Variants in RBFOX1 observed in about 807,000 individuals in gnomAD.
RBFOX1 encodes RNA binding fox-1 homolog 1.
Under a neutral mutation model 57.7 loss-of-function variants are expected in RBFOX1, and 8 were observed. That is an observed-to-expected ratio of 0.14 (90% CI 0.08 to 0.25). The LOEUF is 0.25. Among genes scored for constraint, RBFOX1 ranks in the 10% least tolerant of loss-of-function variants. The pLI is 1.00. For synonymous variants in RBFOX1, 326 were observed against 222.4 expected (o/e 1.47, Z -4.15); for missense variants, 611 against 548.5 (o/e 1.11, Z -1.14).
chr16:7,312,396 A>C (rs1022168331), intron 4 of RBFOX1, among the ~76,000 whole-genome samples: 13 of 152,248 alleles, frequency 8.5e-5, no homozygotes, highest in Non-Finnish European at 1.5e-4. Context: ...CAGCAACAAC[A>C]ACAATGAAAC....
chr16:5,685,386 C>T (rs1350160553), intron 3 of RBFOX1, among the ~76,000 whole-genome samples: 1 of 152,156 alleles, frequency 6.6e-6, no homozygotes, highest in Admixed American at 6.5e-5. Flanking sequence ...GATTCATCTT[C>T]CAAACAACAT....
chr16:7,132,494 T>C (rs968430242), intron 4 of RBFOX1, among the ~76,000 whole-genome samples: 1 of 147,644 alleles, frequency 6.8e-6, no homozygotes, highest in Non-Finnish European at 1.5e-5. Flanking sequence ...TCACTTTATC[T>C]TGAATAACAT....
At chr16:7,397,889 A>T (rs180861528) in intron 4 of RBFOX1, among the ~76,000 whole-genome samples, 81 of 152,180 alleles carry the variant, frequency 5.3e-4, no homozygotes, top group African/African-American at 1.9e-3. Flanking sequence ...TCATCTGTAA[A>T]ACAGATGAAA....
chr16:6,595,252 C>G (rs1410230972), intron 2 of RBFOX1, among the ~76,000 whole-genome samples: 1 of 152,198 alleles, frequency 6.6e-6, no homozygotes, highest in Non-Finnish European at 1.5e-5. Context: ...AGCCAGCATT[C>G]TGCTCTATCT....
At chr16:7,164,307 AT>A in intron 4 of RBFOX1, among the ~76,000 whole-genome samples, 3 of 152,164 alleles carry the variant, frequency 2.0e-5, no homozygotes, top group African/African-American at 7.2e-5. Context: ...GTTCCTTTTT[AT>A]GGCTGAATAG....
At chr16:6,286,790 G>T (rs1311794631) in intron 1 of RBFOX1, among the ~76,000 whole-genome samples, 1 of 152,158 alleles carries the variant, frequency 6.6e-6, no homozygotes, top group Non-Finnish European at 1.5e-5. Context: ...ATACAAGGAA[G>T]ACTAGACTTG....
chr16:7,554,499 TAA>T (rs1424001337), intron 5 of RBFOX1, among the ~76,000 whole-genome samples: 5 of 152,088 alleles, frequency 3.3e-5, no homozygotes, highest in African/African-American at 1.2e-4. Flanking sequence ...TCGTGTAGAC[TAA>T]GTGTTAGTTG....
At chr16:5,255,363 T>TCCATCCATCCAC (rs2062564829) in intron 1 of RBFOX1, among the ~76,000 whole-genome samples, 1 of 122,878 alleles carries the variant, frequency 8.1e-6, no homozygotes, top group Non-Finnish European at 1.9e-5. Flanking sequence ...CCTCCATCCA[T>TCCATCCATCCAC]CCATCCATCC....
intron 4 of RBFOX1, among the ~76,000 whole-genome samples, chr16:7,326,842 A>T (rs1465570882): frequency 6.6e-6 from 1 of 152,184 alleles, no homozygotes; most frequent in Admixed American, 6.5e-5. Context: ...TTGGAAACAT[A>T]GGTAGCTCTC....
At chr16:7,139,176 C>CTCTCTCTCTCTGTGTGTG (rs372381673) in intron 4 of RBFOX1, among the ~76,000 whole-genome samples, 20,338 of 145,770 alleles carry the variant, frequency 0.14, 1,812 homozygotes, top group Non-Finnish European at 0.19. Flanking sequence ...CAATCTCTCT[C>CTCTCTCTCTCTGTGTGTG]TGTGTGTGTG....
intron 1 of RBFOX1, among the ~76,000 whole-genome samples, chr16:6,058,968 A>C (rs2095651233): frequency 1.3e-5 from 2 of 152,218 alleles, no homozygotes; most frequent in Non-Finnish European, 2.9e-5. Context: ...TGGAACAACT[A>C]ACTCAGACTC....
rs549462400 is a variant in RBFOX1 at position 6,805,873 on chromosome 16, A to G, written c.-16+151223A>G. ...CTTACAGTCACACTTGGCTCTTTCC[A>G]ACACGAATCACTAGCCTTTACTTTC... On this transcript the variant is annotated intron_variant, in intron 3 of 15. Transcript: ENST00000550418. Among the ~76,000 whole-genome samples the G allele has an allele frequency of 2.6e-5, 4 of 152,266 alleles. No individual in the cohort carries two copies. The South Asian group carries it at 8.3e-4, about 32-fold the overall frequency.
At chr16:6,491,816 C>T (rs568790054) in intron 2 of RBFOX1, among the ~76,000 whole-genome samples, 25 of 152,254 alleles carry the variant, frequency 1.6e-4, no homozygotes, top group African/African-American at 5.8e-4. Flanking sequence ...AGTCCCTTTC[C>T]CCGTTTTTTT....
intron 4 of RBFOX1, among the ~76,000 whole-genome samples, chr16:5,995,469 G>A (rs1035665827): frequency 1.3e-5 from 2 of 152,118 alleles, no homozygotes; most frequent in African/African-American, 2.4e-5. Flanking sequence ...TTTAGAGAGA[G>A]AGGGAGAAAA....
intron 1 of RBFOX1, among the ~76,000 whole-genome samples, chr16:6,045,273 A>G (rs1435990197): frequency 2.6e-5 from 4 of 152,242 alleles, no homozygotes; most frequent in African/African-American, 9.6e-5. Context: ...GTAAGGAGAT[A>G]GAACATTTGG....
chr16:7,568,679 A>G (rs926778297), intron 5 of RBFOX1, among the ~76,000 whole-genome samples: 1 of 151,816 alleles, frequency 6.6e-6, no homozygotes, highest in African/African-American at 2.4e-5. Flanking sequence ...AGGTCAGGAG[A>G]TCGAGACCAT....
chr16:5,962,081 C>CT (rs2059761374), intron 4 of RBFOX1, among the ~76,000 whole-genome samples: 1 of 152,136 alleles, frequency 6.6e-6, no homozygotes, highest in Non-Finnish European at 1.5e-5. Flanking sequence ...CCAGCCATCG[C>CT]TTACATGTTC....
At chr16:6,652,859 G>C (rs569867404) in intron 2 of RBFOX1, among the ~76,000 whole-genome samples, 31 of 152,230 alleles carry the variant, frequency 2.0e-4, no homozygotes, top group African/African-American at 7.0e-4. Flanking sequence ...GTTTGTATGG[G>C]TAATGCCCCA....
At chr16:7,534,443 AC>A (rs1374257015) in intron 5 of RBFOX1, among the ~76,000 whole-genome samples, 3 of 151,974 alleles carry the variant, frequency 2.0e-5, no homozygotes, top group Non-Finnish European at 4.4e-5. Flanking sequence ...CCAATGATTA[AC>A]TAAAATAGGC....
Sources: allele counts gnomAD v4.1 joint callset (sites outside exome capture counted in the v4.1 genomes callset), GRCh38; gene constraint gnomAD v4.1.1; transcripts MANE v1.5; gene names NCBI Gene and HGNC (gene_info 2026-07-23, HGNC 2026-07-21).